XKR6: variants seen among roughly 807,000 people sequenced by gnomAD.
XKR6 encodes the protein XK-related protein 6.
A neutral mutation model predicts 56.7 loss-of-function variants in XKR6; 22 were observed. That is an observed-to-expected ratio of 0.39 (90% CI 0.28 to 0.55). XKR6 has a LOEUF of 0.55. XKR6 is among the 20% of genes least tolerant of loss of function. The pLI, the probability that XKR6 is intolerant of heterozygous loss-of-function variation, is 0.66. For synonymous variants in XKR6, 524 were observed against 387.8 expected (o/e 1.35, Z -4.13); for missense variants, 852 against 889.0 (o/e 0.96, Z 0.53).
intron 1 of XKR6, among the ~76,000 whole-genome samples, chr8:10,994,654 G>A (rs4841471): frequency 0.48 from 72,487 of 152,132 alleles, 22,135 homozygotes; most frequent in African/African-American, 0.87. Context: ...TGTGCATTGA[G>A]TGTGTACTCT....
At chr8:10,940,111 C>T (rs1801343498) in intron 1 of XKR6, among the ~76,000 whole-genome samples, 1 of 152,176 alleles carries the variant, frequency 6.6e-6, no homozygotes, top group Non-Finnish European at 1.5e-5. Flanking sequence ...CTGGCATGGC[C>T]CCTCATGTAG....
intron 1 of XKR6, among the ~76,000 whole-genome samples, chr8:11,038,247 G>T (rs984454326): frequency 5.3e-5 from 8 of 152,080 alleles, no homozygotes; most frequent in Non-Finnish European, 1.0e-4. Flanking sequence ...GCTTGTGTAG[G>T]ATTTAATTTG....
At chr8:11,087,106 C>G (rs9657544) in intron 1 of XKR6, among the ~76,000 whole-genome samples, 51,000 of 152,064 alleles carry the variant, frequency 0.34, 9,681 homozygotes, top group African/African-American at 0.5. Flanking sequence ...CTGTTTCTGG[C>G]TCTAAACTCT....
chr8:10,957,758 C>T (rs746104401), intron 1 of XKR6, among the ~76,000 whole-genome samples: 1 of 152,134 alleles, frequency 6.6e-6, no homozygotes, highest in Non-Finnish European at 1.5e-5. Flanking sequence ...CAGGATAGGC[C>T]TCTCCATCCC....
intron 1 of XKR6, among the ~76,000 whole-genome samples, chr8:11,102,826 A>T (rs1216995355): frequency 1.3e-5 from 2 of 152,182 alleles, no homozygotes; most frequent in East Asian, 3.9e-4. Flanking sequence ...AACTGGCTGC[A>T]TTTGGAGGAT....
chr8:11,035,202 G>A (rs1469596237), intron 1 of XKR6: 6 of 534,668 alleles, frequency 1.1e-5, no homozygotes, highest in South Asian at 8.4e-5. Context: ...CTATCTGGTG[G>A]CTGCTCGGAT....
At chr8:11,092,681 T>C (rs926972239) in intron 1 of XKR6, among the ~76,000 whole-genome samples, 4 of 152,202 alleles carry the variant, frequency 2.6e-5, no homozygotes, top group Admixed American at 6.5e-5. Context: ...AGAGAAACTC[T>C]TCCCCCTGGA....
intron 1 of XKR6, among the ~76,000 whole-genome samples, chr8:10,999,566 GGGT>G (rs1798192109): frequency 6.6e-6 from 1 of 152,130 alleles, no homozygotes; most frequent in East Asian, 1.9e-4. Flanking sequence ...CAGAAAAGAA[GGGT>G]TTGGTCAATG....
At chr8:10,913,518 C>G (rs925791700) in intron 2 of XKR6, among the ~76,000 whole-genome samples, 2 of 152,208 alleles carry the variant, frequency 1.3e-5, no homozygotes, top group African/African-American at 4.8e-5. Flanking sequence ...CACCCCCCAG[C>G]CATCGCTGTT....
chr8:11,123,631 T>A (rs1586578010), intron 1 of XKR6: 1 of 330,164 alleles, frequency 3.0e-6, no homozygotes, highest in East Asian at 7.7e-5. Context: ...TTTAAGATAC[T>A]TGGCTATATA....
chr8:11,102,008 G>A (rs540619698), intron 1 of XKR6, among the ~76,000 whole-genome samples: 6 of 152,290 alleles, frequency 3.9e-5, no homozygotes, highest in East Asian at 1.9e-4. Context: ...CGGGAGAAAC[G>A]AGGAGGATGT....
chr8:10,915,548 A>G (rs1193600949), intron 2 of XKR6, among the ~76,000 whole-genome samples: 1 of 151,184 alleles, frequency 6.6e-6, no homozygotes, highest in Non-Finnish European at 1.5e-5. Context: ...CCCTCTCGCC[A>G]TTGGTCGGTA....
chr8:11,000,775 C>T (rs910642671), intron 1 of XKR6, among the ~76,000 whole-genome samples: 3 of 152,222 alleles, frequency 2.0e-5, no homozygotes, highest in African/African-American at 4.8e-5. Context: ...TTCATCTTCT[C>T]ATGGTGGAGA....
chr8:10,898,027 G>T lies in XKR6; in HGVS notation c.1851C>A (p.Thr617=), dbSNP rs1393056262. 2.5e-6 allele frequency: 4 copies of T among 1,613,682 alleles called. No individual in the cohort carries two copies. The highest frequency in any genetic ancestry group is 3.4e-6 in the Non-Finnish European group (4 of 1,179,872). Reference sequence around the variant, plus strand: ...GATATCGAATGCCTACTGCGGTGGGGGTGACATATTGTAGAATGTTAATAG... The same window carrying T: ...GATATCGAATGCCTACTGCGGTGGGTGTGACATATTGTAGAATGTTAATAG... ...RRTINILQYV[T]PTAVGIRYRD... Residue 617 remains threonine (T), a synonymous_variant, in exon 3 of 3, where the codon ACC becomes ACA. Transcript: ENST00000416569. The surrounding 1 kb of genome is among the most constrained non-coding windows in gnomAD (Gnocchi z 6.6).
At chr8:11,056,462 G>A (rs950092278) in intron 1 of XKR6, among the ~76,000 whole-genome samples, 5 of 152,190 alleles carry the variant, frequency 3.3e-5, no homozygotes, top group Non-Finnish European at 1.5e-5. Context: ...TGTCAAAAGG[G>A]TGGGCAGACA....
intron 1 of XKR6, among the ~76,000 whole-genome samples, chr8:11,073,204 G>A (rs891730194): frequency 6.6e-6 from 1 of 152,148 alleles, no homozygotes; most frequent in African/African-American, 2.4e-5. Context: ...AGTCCCTGTG[G>A]AATCCATGTG....
intron 1 of XKR6, among the ~76,000 whole-genome samples, chr8:10,960,806 G>A (rs886473803): frequency 1.3e-5 from 2 of 152,316 alleles, no homozygotes; most frequent in East Asian, 3.9e-4. Context: ...CACACACAGC[G>A]TAAGGGCCTG....
At chr8:11,000,757 T>C (rs1798219727) in intron 1 of XKR6, among the ~76,000 whole-genome samples, 1 of 152,184 alleles carries the variant, frequency 6.6e-6, no homozygotes, top group Admixed American at 6.5e-5. Context: ...GAGAGCTCTC[T>C]CTGCTAGTTC....
At position 10,904,609 on chromosome 8, in the gene XKR6, C is replaced by T. The variant is rs144557927; in HGVS notation, c.962-5693G>A. 6.8e-3 allele frequency among the ~76,000 whole-genome samples: 1,042 copies of T among 152,146 alleles called. 3 individuals carry two copies. Among genetic ancestry groups the T allele is most frequent in the Admixed American group, 0.011 (171 of 15,290 alleles). The stretch of plus-strand genomic sequence containing the variant: ...GAGGCAGGAGAGCAAGGAGGTGCCA[C>T]GGAAGGGGTCAGGCCAGGAAGGGAG... On this transcript the variant is annotated intron_variant, in intron 2 of 2. Transcript: ENST00000416569.
Sources: allele counts gnomAD v4.1 joint callset (sites outside exome capture counted in the v4.1 genomes callset), GRCh38; gene constraint gnomAD v4.1.1; non-coding constraint Gnocchi (gnomAD v3.1); transcripts MANE v1.5; gene names NCBI Gene and HGNC (gene_info 2026-07-23, HGNC 2026-07-21).